GPHN: variants seen among roughly 807,000 people sequenced by gnomAD.
GPHN encodes the protein gephyrin.
A neutral mutation model predicts 95.5 loss-of-function variants in GPHN; 17 were observed. The ratio of observed to expected loss-of-function variants is 0.18; its 90% CI spans 0.12 to 0.27. The LOEUF (loss-of-function observed/expected upper bound fraction) is 0.27. Ranked by LOEUF, GPHN falls within the 10% of genes least tolerant of loss-of-function variation. GPHN has a pLI of 1.00. For synonymous variants in GPHN, 320 were observed against 322.5 expected (o/e 0.99, Z 0.08); for missense variants, 660 against 978.1 (o/e 0.67, Z 4.34).
the GPHN span, chr14:67,392,355 C>T: frequency 1.2e-6 from 2 of 1,613,070 alleles, no homozygotes; most frequent in African/African-American, 1.3e-5. Flanking sequence ...TGTTTCACCA[C>T]CGTGCCACTT....
chr14:67,579,688 T>C, the GPHN span: 10 of 1,604,120 alleles, frequency 6.2e-6, no homozygotes, highest in Non-Finnish European at 8.5e-6. Flanking sequence ...CTCAGGAGGT[T>C]CACTCAGGGT....
intron 1 of GPHN, among the ~76,000 whole-genome samples, chr14:66,678,825 A>C (rs1348768605): frequency 6.6e-6 from 1 of 152,114 alleles, no homozygotes; most frequent in Non-Finnish European, 1.5e-5. Context: ...CTGTATGGTT[A>C]CTTTGGCTGT....
At chr14:67,026,843 C>T (rs1158502788) in intron 10 of GPHN, among the ~76,000 whole-genome samples, 1 of 152,088 alleles carries the variant, frequency 6.6e-6, no homozygotes, top group Admixed American at 6.5e-5. Context: ...GGGGTTTCAC[C>T]GTGTTAGCCA....
rs537728700 is a variant in GPHN at position 66,612,613 on chromosome 14, G to C, written c.65-68494G>C. On this transcript the variant is annotated intron_variant, in intron 1 of 22. Coordinates refer to ENST00000478722, the MANE Select transcript of GPHN (RefSeq NM_020806.5). The stretch of plus-strand genomic sequence containing the variant: ...TTACATAATTCAAATTCACAAATCT[G>C]AGCTGGACAATTACGACAATTAAGT... Among the ~76,000 whole-genome samples, 3 of 152,124 alleles carry C rather than the reference G, an allele frequency of 2.0e-5. No individual in the cohort carries two copies. The South Asian group carries it at 6.2e-4, about 32-fold the overall frequency.
At chr14:67,333,741 C>CTCA in the GPHN span, 1 of 152,492 alleles carries the variant, frequency 6.6e-6, no homozygotes, top group Non-Finnish European at 1.5e-5. Context: ...CTTCCCTTCC[C>CTCA]TCATCAGCAT....
chr14:67,101,832 A>G (rs995031322), intron 13 of GPHN, among the ~76,000 whole-genome samples: 5 of 149,878 alleles, frequency 3.3e-5, no homozygotes, highest in Admixed American at 2.7e-4. Context: ...AAAATAACAT[A>G]TATCATTGGT....
At chr14:67,431,176 C>T in the GPHN span, among the ~76,000 whole-genome samples, 4 of 151,962 alleles carry the variant, frequency 2.6e-5, no homozygotes, top group African/African-American at 7.2e-5. Flanking sequence ...GGGTGGATCA[C>T]GAGGTCAGGA....
intron 1 of GPHN, among the ~76,000 whole-genome samples, chr14:66,641,810 A>G (rs1386550800): frequency 2.0e-5 from 3 of 152,194 alleles, no homozygotes; most frequent in South Asian, 4.1e-4. Flanking sequence ...AATAGGGGAT[A>G]TAGATCAATA....
At chr14:67,564,600 G>T in the GPHN span, among the ~76,000 whole-genome samples, 1 of 151,822 alleles carries the variant, frequency 6.6e-6, no homozygotes, top group Non-Finnish European at 1.5e-5. Context: ...TGGGACTACA[G>T]GCATGCACCA....
the GPHN span, among the ~76,000 whole-genome samples, chr14:67,523,464 G>T: frequency 6.6e-6 from 1 of 152,218 alleles, no homozygotes; most frequent in Admixed American, 6.5e-5. Flanking sequence ...TACAGGTAGG[G>T]TTATACAGGT....
chr14:66,610,683 G>C (rs997087221), intron 1 of GPHN, among the ~76,000 whole-genome samples: 1 of 152,058 alleles, frequency 6.6e-6, no homozygotes, highest in Non-Finnish European at 1.5e-5. Flanking sequence ...ACTTTATTTA[G>C]GGTCATTGCG....
intron 9 of GPHN, among the ~76,000 whole-genome samples, chr14:66,972,501 A>G (rs1251651996): frequency 6.6e-6 from 1 of 151,958 alleles, no homozygotes; most frequent in African/African-American, 2.4e-5. Context: ...AAACAATTGC[A>G]TAAATAAGTG....
the GPHN span, chr14:67,347,381 A>C: frequency 6.4e-7 from 1 of 1,560,660 alleles, no homozygotes; most frequent in East Asian, 2.2e-5. Flanking sequence ...CCAGAGACAC[A>C]AAGTAATACA....
At chr14:67,663,998 T>A in the GPHN span, among the ~76,000 whole-genome samples, 4 of 152,272 alleles carry the variant, frequency 2.6e-5, no homozygotes, top group East Asian at 3.9e-4. Flanking sequence ...CTTGATTTTT[T>A]AAAAAAATTT....
intron 2 of GPHN, among the ~76,000 whole-genome samples, chr14:66,730,098 C>G (rs1268950091): frequency 6.6e-6 from 1 of 152,160 alleles, no homozygotes; most frequent in Non-Finnish European, 1.5e-5. Context: ...TTGTGGTAGT[C>G]AAAGTTAGAT....
chr14:67,022,608 TTTTTC>T (rs1318433988), intron 9 of GPHN, among the ~76,000 whole-genome samples: 6 of 141,008 alleles, frequency 4.3e-5, no homozygotes, highest in African/African-American at 1.6e-4. Flanking sequence ...TGTGTGTGTA[TTTTTC>T]TTGTATGTAT....
At chr14:67,587,369 C>T in the GPHN span, 1 of 1,019,786 alleles carries the variant, frequency 9.8e-7, no homozygotes, top group Non-Finnish European at 1.5e-6. Flanking sequence ...GTATTTTAGT[C>T]TCTGTGAAGC....
intron 2 of GPHN, among the ~76,000 whole-genome samples, chr14:66,681,689 T>C (rs557099867): frequency 6.6e-6 from 1 of 152,286 alleles, no homozygotes; most frequent in East Asian, 1.9e-4. Flanking sequence ...ATTTTTTTGC[T>C]CATCAGTCAG....
the GPHN span, among the ~76,000 whole-genome samples, chr14:67,605,948 A>C: frequency 6.6e-6 from 1 of 152,166 alleles, no homozygotes; most frequent in East Asian, 1.9e-4. Context: ...CGGCCTCCTA[A>C]AGTGCTGGGA....
Sources: allele counts gnomAD v4.1 joint callset (sites outside exome capture counted in the v4.1 genomes callset), GRCh38; gene constraint gnomAD v4.1.1; transcripts MANE v1.5; gene names NCBI Gene and HGNC (gene_info 2026-07-23, HGNC 2026-07-21).